The following GCNT1 variants were observed in gnomAD, a reference collection of about 807,000 sequenced individuals.
The protein encoded by GCNT1 is glucosaminyl (N-acetyl) transferase 1, also known as beta-1,3-galactosyl-O-glycosyl-glycoprotein beta-1,6-N-acetylglucosaminyltransferase.
In GCNT1, 16 loss-of-function variants were observed where a neutral mutation model predicts 26.2. That is an observed-to-expected ratio of 0.61 (90% CI 0.41 to 0.93). The LOEUF (loss-of-function observed/expected upper bound fraction) is 0.93, where lower values mean the gene tolerates loss of function less well. GCNT1 is among the 40% of genes least tolerant of loss of function. The pLI, the probability that GCNT1 is intolerant of heterozygous loss-of-function variation, is 0.00. For missense variants in GCNT1, 477 were observed against 526.7 expected, an observed-to-expected ratio of 0.91 and a Z score of 0.92; for synonymous variants, 183 against 190.8, an observed-to-expected ratio of 0.96 and a Z score of 0.34.
intron 2 of GCNT1, among the ~76,000 whole-genome samples, chr9:76,491,125 C>G (rs1824724184): frequency 6.6e-6 from 1 of 152,112 alleles, no homozygotes; most frequent in Admixed American, 6.5e-5. Context: ...TCTTCTTTGT[C>G]TCTCTCTTTT....
At chr9:76,420,397 C>T (rs1046955846) in intron 1 of GCNT1, among the ~76,000 whole-genome samples, 1 of 152,110 alleles carries the variant, frequency 6.6e-6, no homozygotes, top group Admixed American at 6.6e-5. Context: ...CCTTAGCCTC[C>T]CGAGAAGCCG....
upstream of GCNT1, among the ~76,000 whole-genome samples, chr9:76,437,777 ATATT>A (rs1256619567): frequency 6.6e-6 from 1 of 152,218 alleles, no homozygotes; most frequent in African/African-American, 2.4e-5. Flanking sequence ...GCAAAGCAGA[ATATT>A]TATTAGGTTT....
chr9:76,440,801 C>T (rs762803587), upstream of GCNT1, among the ~76,000 whole-genome samples: 1 of 152,122 alleles, frequency 6.6e-6, no homozygotes, highest in Non-Finnish European at 1.5e-5. Flanking sequence ...TGCAGTGACT[C>T]ATGCCTGTAA....
At chr9:76,450,651 A>G (rs907564239) in intron 1 of GCNT1, among the ~76,000 whole-genome samples, 2 of 152,180 alleles carry the variant, frequency 1.3e-5, no homozygotes, top group African/African-American at 4.8e-5. Flanking sequence ...TTCAATTCCT[A>G]TTGAAATTGA....
chr9:76,399,158 A>G, the GCNT1 span: 2 of 1,480,986 alleles, frequency 1.4e-6, no homozygotes, highest in Non-Finnish European at 1.9e-6. Context: ...AGATTCTCCT[A>G]TGCGCTATGT....
the GCNT1 span, chr9:76,394,133 C>T: frequency 6.2e-4 from 996 of 1,609,866 alleles, 3 homozygotes; most frequent in African/African-American, 0.012. Flanking sequence ...CGAAGCCCCG[C>T]ACCACTTGAC....
chr9:76,457,550 C>T (rs982847213), upstream of GCNT1, among the ~76,000 whole-genome samples: 2 of 152,210 alleles, frequency 1.3e-5, no homozygotes, highest in African/African-American at 2.4e-5. Context: ...TGCCCAGCCC[C>T]GGCTATACTT....
chr9:76,402,880 C>T, the GCNT1 span, among the ~76,000 whole-genome samples: 3 of 152,044 alleles, frequency 2.0e-5, no homozygotes, highest in African/African-American at 7.2e-5. Context: ...GGGTTTCACC[C>T]TGTTGGCCAG....
chr9:76,487,596 C>T (rs1824613945), intron 2 of GCNT1, among the ~76,000 whole-genome samples: 1 of 152,222 alleles, frequency 6.6e-6, no homozygotes, highest in South Asian at 2.1e-4. Flanking sequence ...CCAGGGCCTT[C>T]TGACAGGTTC....
rs1251175238 is a variant in GCNT1, at chr9:76,502,979, A to G, written c.598A>G (p.Met200Val). The G allele has an allele frequency of 6.2e-7, 1 of 1,613,352 alleles. No individual in the cohort carries two copies. The highest frequency in any genetic ancestry group is 1.1e-5 in the South Asian group (1 of 91,086). Residue 200 changes from methionine to valine, a missense_variant, in exon 4 of 4, where the codon ATG becomes GTG. Transcript: ENST00000376730. ...CCGGGTTCAGGCTGACCTCAACTGC[A>G]TGAAGGATCTCTATGCAATGAGTGC... ...WSRVQADLNC[M>V]KDLYAMSANW...
intron 2 of GCNT1, among the ~76,000 whole-genome samples, chr9:76,473,499 A>G (rs1032640095): frequency 6.6e-6 from 1 of 152,234 alleles, no homozygotes; most frequent in African/African-American, 2.4e-5. Flanking sequence ...AAAATAATGA[A>G]TAATAATACA....
upstream of GCNT1, among the ~76,000 whole-genome samples, chr9:76,437,137 T>C (rs1395051761): frequency 2.6e-5 from 4 of 151,202 alleles, no homozygotes; most frequent in African/African-American, 9.7e-5. Flanking sequence ...AAAATAAATA[T>C]ATGGGGAAAA....
At chr9:76,416,133 A>G (rs1410017091), upstream of GCNT1, among the ~76,000 whole-genome samples, 1 of 152,160 alleles carries the variant, frequency 6.6e-6, no homozygotes, top group Middle Eastern at 3.4e-3. Context: ...TCCCATACCC[A>G]TAAAAACCTC....
intron 2 of GCNT1, among the ~76,000 whole-genome samples, chr9:76,491,025 A>G (rs1824719842): frequency 6.6e-6 from 1 of 152,248 alleles, no homozygotes; most frequent in Admixed American, 6.5e-5. Flanking sequence ...TCAATTATCA[A>G]TTATAGGTTT....
At chr9:76,458,908 C>T (rs1409575730), upstream of GCNT1, among the ~76,000 whole-genome samples, 1 of 152,262 alleles carries the variant, frequency 6.6e-6, no homozygotes, top group Non-Finnish European at 1.5e-5. Context: ...GAGTTTCCTG[C>T]TTTCGAGGAA....
intron 2 of GCNT1, among the ~76,000 whole-genome samples, chr9:76,486,739 G>A (rs952195141): frequency 1.3e-5 from 2 of 152,158 alleles, no homozygotes; most frequent in Non-Finnish European, 2.9e-5. Flanking sequence ...CTGCAAGTTT[G>A]TGGGGAACTA....
At chr9:76,493,948 C>T (rs1486600774) in intron 2 of GCNT1, among the ~76,000 whole-genome samples, 1 of 152,074 alleles carries the variant, frequency 6.6e-6, no homozygotes, top group Non-Finnish European at 1.5e-5. Flanking sequence ...TAAGCCACTT[C>T]TTTTTCAGGG....
At chr9:76,430,003 C>T (rs1484640747) in intron 1 of GCNT1, among the ~76,000 whole-genome samples, 1 of 152,120 alleles carries the variant, frequency 6.6e-6, no homozygotes, top group African/African-American at 2.4e-5. Flanking sequence ...CGTGAGTCAC[C>T]ATGCCCAGCC....
At chr9:76,419,418 C>T (rs1245109448), upstream of GCNT1, among the ~76,000 whole-genome samples, 1 of 152,156 alleles carries the variant, frequency 6.6e-6, no homozygotes, top group Non-Finnish European at 1.5e-5. Context: ...GTTTGTAATT[C>T]CAGCACTTTG....
Sources: allele counts gnomAD v4.1 joint callset (sites outside exome capture counted in the v4.1 genomes callset), GRCh38; gene constraint gnomAD v4.1.1; transcripts MANE v1.5; gene names NCBI Gene and HGNC (gene_info 2026-07-23, HGNC 2026-07-21).